The following AGPAT4 variants were observed in gnomAD, a reference collection of about 807,000 sequenced individuals.
AGPAT4 encodes the protein 1-acylglycerol-3-phosphate O-acyltransferase 4.
In AGPAT4, 15 loss-of-function variants were observed where a neutral mutation model predicts 48.0. The ratio of observed to expected loss-of-function variants is 0.31; its 90% CI spans 0.21 to 0.48. AGPAT4 has a LOEUF of 0.48. Ranked by LOEUF, AGPAT4 falls within the 20% of genes least tolerant of loss-of-function variation. AGPAT4 has a pLI of 0.99. For missense variants in AGPAT4, 314 were observed against 482.5 expected, an observed-to-expected ratio of 0.65 and a Z score of 3.27; for synonymous variants, 178 against 198.7, an observed-to-expected ratio of 0.90 and a Z score of 0.88.
chr6:161,217,772 G>A lies in AGPAT4; in HGVS notation c.178+14264C>T, dbSNP rs868155932. ...GGAATTGGATCAGGGAGTCCAGCCA[G>A]AAACCTCCTCCCCTGACCCCGCCTG... On this transcript the variant is annotated intron_variant, in intron 2 of 8. Coordinates refer to ENST00000320285, the MANE Select transcript of AGPAT4 (RefSeq NM_020133.3). This position sits in a 1 kb window ranked among gnomAD's most constrained non-coding sequence, Gnocchi z 4.9. Among the ~76,000 whole-genome samples the A allele has an allele frequency of 9.2e-5, 14 of 152,234 alleles. No individual in the cohort carries two copies. The highest frequency in any genetic ancestry group is 2.0e-4 in the Admixed American group (3 of 15,286).
rs10550830 is a variant in AGPAT4, at chr6:161,246,431, CAG to C, written c.-89-14131_-89-14130del. ...AGGGGATTCTTTTTTTTTTTTGAGA[CAG>C]AGTTTCACTCTTGTTGCCCAGGCTG... On this transcript the variant is annotated intron_variant, in intron 1 of 8. Transcript: ENST00000320285. This position sits in a 1 kb window ranked among gnomAD's most constrained non-coding sequence, Gnocchi z 5.5. Among the ~76,000 whole-genome samples, 18,812 of 149,548 alleles carry C rather than the reference CAG, an allele frequency of 0.13. 1,603 individuals are homozygous for C. The highest frequency in any genetic ancestry group is 0.33 in the East Asian group (1,695 of 5,066).
At position 161,202,454 on chromosome 6, in the gene AGPAT4, T is replaced by C. The variant is rs982390957; in HGVS notation, c.178+29582A>G. 2.0e-5 allele frequency among the ~76,000 whole-genome samples: 3 copies of C among 152,124 alleles called. No individual in the cohort carries two copies. In the South Asian group the frequency reaches 6.2e-4, roughly 32 times the overall value. On this transcript the variant is annotated intron_variant, in intron 2 of 8. Transcript: ENST00000320285. This position sits in a 1 kb window ranked among gnomAD's most constrained non-coding sequence, Gnocchi z 5.4. ...ACCAGGCAGAAGCTATGGCCTCACCTTGAAAGTTACAAAGCACCATTTATG... is the reference window on the plus strand; with the variant it reads ...ACCAGGCAGAAGCTATGGCCTCACCCTGAAAGTTACAAAGCACCATTTATG...
intron 8 of AGPAT4, 67 bp from the exon 9 acceptor site, chr6:161,136,701 G>C: frequency 7.0e-7 from 1 of 1,435,208 alleles, no homozygotes; most frequent in Non-Finnish European, 9.8e-7. Flanking sequence ...TTCCCACAGA[G>C]CAAGTGAGAA....
rs183109405 is a variant in AGPAT4 at position 161,178,297 on chromosome 6, C to T, written c.179-11880G>A. ...TGGGCTCCACCCAATTCAAGCTTCCCAGCCACTTTGTTTACCTACTCAAGC... is the reference window on the plus strand; with the variant it reads ...TGGGCTCCACCCAATTCAAGCTTCCTAGCCACTTTGTTTACCTACTCAAGC... On this transcript the variant is annotated intron_variant, in intron 2 of 8. Coordinates refer to ENST00000320285, the MANE Select transcript of AGPAT4 (RefSeq NM_020133.3). The surrounding 1 kb of genome is among the most constrained non-coding windows in gnomAD (Gnocchi z 5.1). Among the ~76,000 whole-genome samples, 2,966 of 152,320 alleles carry T rather than the reference C, an allele frequency of 0.019. 101 individuals are homozygous for T. The highest frequency in any genetic ancestry group is 0.067 in the African/African-American group (2,797 of 41,568).
In AGPAT4 at chr6:161,184,472, C is replaced by G. The variant is rs1780708105; in HGVS notation, c.179-18055G>C. 6.6e-6 allele frequency among the ~76,000 whole-genome samples: 1 copy of G among 151,880 alleles called. No individual in the cohort carries two copies. The stretch of plus-strand genomic sequence containing the variant: ...ATAGAGGGGCAGGTGATGGAGGAGT[C>G]TGGCATTTGGGTTTGAACACATCAG... On this transcript the variant is annotated intron_variant, in intron 2 of 8. Transcript: ENST00000320285. The surrounding 1 kb of genome is among the most constrained non-coding windows in gnomAD (Gnocchi z 4.8).
At position 161,134,096 on chromosome 6, in the gene AGPAT4, T is replaced by C. The variant is rs1778987684; in HGVS notation, c.*2444A>G. The C allele has an allele frequency of 6.6e-6, 1 of 152,296 alleles. No homozygotes were observed. The highest frequency in any genetic ancestry group is 1.5e-5 in the Non-Finnish European group (1 of 68,064). The allele number at this position is 152,296 out of a possible 1,614,324, so 9.4% of individuals were successfully genotyped here. The stretch of plus-strand genomic sequence containing the variant: ...TTCCCAGGCTGCATAACAAAATTGT[T>C]CTTCGTGGACAGGTCAAATGACTGA... On this transcript the variant is annotated 3_prime_UTR_variant, in exon 9 of 9. Transcript: ENST00000320285.
rs980894619 is a variant in AGPAT4, at chr6:161,234,922, C to T, written c.-89-2620G>A. ...CAAGGTAAATTGAAATTTTACCGTG[C>T]GTAAAACCCTCACTAGCAATGCATG... On this transcript the variant is annotated intron_variant, in intron 1 of 8. Transcript: ENST00000320285. The surrounding 1 kb of genome is among the most constrained non-coding windows in gnomAD (Gnocchi z 4.4). 6.6e-6 allele frequency among the ~76,000 whole-genome samples: 1 copy of T among 151,918 alleles called. No homozygotes were observed. The highest frequency in any genetic ancestry group is 1.5e-5 in the Non-Finnish European group (1 of 67,998).
Position 161,266,544 on chromosome 6 carries a change from C to T in AGPAT4, c.-90+7394G>A, listed in dbSNP as rs934741607. Reference sequence around the variant, plus strand: ...GGGTGATGGGAGAGCGTCAGGAAAGCAGAGGCTGGAGGCAGATGCTAGAAA... The same window carrying T: ...GGGTGATGGGAGAGCGTCAGGAAAGTAGAGGCTGGAGGCAGATGCTAGAAA... On this transcript the variant is annotated intron_variant, in intron 1 of 8. Coordinates refer to ENST00000320285, the MANE Select transcript of AGPAT4 (RefSeq NM_020133.3). The surrounding 1 kb of genome is among the most constrained non-coding windows in gnomAD (Gnocchi z 6.2). Among the ~76,000 whole-genome samples, 6 of 152,106 alleles carry T rather than the reference C, an allele frequency of 3.9e-5. No homozygotes were observed. Among genetic ancestry groups the T allele is most frequent in the Non-Finnish European group, 7.4e-5 (5 of 68,022 alleles).
In AGPAT4 at chr6:161,223,405, A is replaced by G. The variant is rs1781882386; in HGVS notation, c.178+8631T>C. On this transcript the variant is annotated intron_variant, in intron 2 of 8. Transcript: ENST00000320285. This position sits in a 1 kb window ranked among gnomAD's most constrained non-coding sequence, Gnocchi z 6.3. The stretch of plus-strand genomic sequence containing the variant: ...ATTTGCTTATTTCAAAGTGTGGTGG[A>G]AAAGGGGATTTTGGAATCTCAGCTC... Among the ~76,000 whole-genome samples, 3 of 152,184 alleles carry G rather than the reference A, an allele frequency of 2.0e-5. No individual in the cohort carries two copies. The highest frequency in any genetic ancestry group is 2.0e-4 in the Admixed American group (3 of 15,270).
Position 161,255,043 on chromosome 6 carries a change from T to C in AGPAT4, c.-90+18895A>G, listed in dbSNP as rs1310219980. 1.3e-5 allele frequency among the ~76,000 whole-genome samples: 2 copies of C among 152,188 alleles called. No individual in the cohort carries two copies. The highest frequency in any genetic ancestry group is 4.8e-5 in the African/African-American group (2 of 41,442). On this transcript the variant is annotated intron_variant, in intron 1 of 8. Coordinates refer to ENST00000320285, the MANE Select transcript of AGPAT4 (RefSeq NM_020133.3). The surrounding 1 kb of genome is among the most constrained non-coding windows in gnomAD (Gnocchi z 4.7). ...GAGCCAGATACGGTTACACAGCCCTTCTGAAGCAAAGATACACTAAGTCTA... is the reference window on the plus strand; with the variant it reads ...GAGCCAGATACGGTTACACAGCCCTCCTGAAGCAAAGATACACTAAGTCTA...
At position 161,185,647 on chromosome 6, in the gene AGPAT4, CAT is replaced by C. The variant is rs528092361; in HGVS notation, c.179-19232_179-19231del. On this transcript the variant is annotated intron_variant, in intron 2 of 8. Transcript: ENST00000320285. Reference sequence around the variant, plus strand: ...CCTTATGCTATTCTCTCTACTCTTACATAGATTTTAATTAAAAAGTTCAAGAA... The same window carrying C: ...CCTTATGCTATTCTCTCTACTCTTACAGATTTTAATTAAAAAGTTCAAGAA... 2.0e-3 allele frequency among the ~76,000 whole-genome samples: 312 copies of C among 152,246 alleles called. 2 individuals are homozygous for C. The highest frequency in any genetic ancestry group is 3.4e-3 in the Middle Eastern group (1 of 294).
chr6:161,134,047 G>C lies in AGPAT4; in HGVS notation c.*2493C>G, dbSNP rs1421722678. The C allele has an allele frequency of 1.3e-5, 2 of 152,232 alleles. No individual in the cohort carries two copies. Among genetic ancestry groups the C allele is most frequent in the Non-Finnish European group, 2.9e-5 (2 of 68,104 alleles). The allele number at this position is 152,232 out of a possible 1,614,324, so 9.4% of individuals were successfully genotyped here. A position where few individuals can be genotyped will look rare whatever the true frequency, so the allele number is the denominator to read the frequency against. ...ACCCGTGGTTGTCTGTGTCATTAAG[G>C]GCGCAGGGTGTAAGGAAACCAGGTT... On this transcript the variant is annotated 3_prime_UTR_variant, in exon 9 of 9. Coordinates refer to ENST00000320285, the MANE Select transcript of AGPAT4 (RefSeq NM_020133.3).
chr6:161,191,300 C>T (rs1044764324), intron 2 of AGPAT4, among the ~76,000 whole-genome samples: 6 of 152,194 alleles, frequency 3.9e-5, no homozygotes, highest in Non-Finnish European at 7.3e-5. Flanking sequence ...ACATCCCACA[C>T]TCTAACCCAC....
chr6:161,154,333 G>A lies in AGPAT4; in HGVS notation c.349-23C>T. ...GCCCTGAAACAGAAGAAGGAGCCCA[G>A]GTGCCCATGAAGGAGACGTCAGAGC... On this transcript the variant is annotated intron_variant, in intron 3 of 8. Coordinates refer to ENST00000320285, the MANE Select transcript of AGPAT4 (RefSeq NM_020133.3). The surrounding 1 kb of genome is among the most constrained non-coding windows in gnomAD (Gnocchi z 7.8). The A allele has an allele frequency of 6.2e-7, 1 of 1,613,692 alleles. No individual in the cohort carries two copies. The highest frequency in any genetic ancestry group is 8.5e-7 in the Non-Finnish European group (1 of 1,179,852).
intron 2 of AGPAT4, among the ~76,000 whole-genome samples, chr6:161,174,985 C>A (rs1015829262): frequency 3.3e-5 from 5 of 152,012 alleles, no homozygotes; most frequent in Non-Finnish European, 7.4e-5. Flanking sequence ...GCCTTGTATC[C>A]CAGGGATGAA....
At position 161,234,458 on chromosome 6, in the gene AGPAT4, T is replaced by A. The variant is rs995160763; in HGVS notation, c.-89-2156A>T. On this transcript the variant is annotated intron_variant, in intron 1 of 8. Transcript: ENST00000320285. The surrounding 1 kb of genome is among the most constrained non-coding windows in gnomAD (Gnocchi z 4.4). ...TTCGCAGACGGCATTTCCACAGATA[T>A]TTCCAGGCTGGAAAACTCCTTACTG... 1.3e-5 allele frequency among the ~76,000 whole-genome samples: 2 copies of A among 152,108 alleles called. No individual in the cohort carries two copies. The highest frequency in any genetic ancestry group is 2.9e-5 in the Non-Finnish European group (2 of 68,012).
intron 1 of AGPAT4, among the ~76,000 whole-genome samples, chr6:161,265,484 G>A (rs1342329430): frequency 6.6e-6 from 1 of 151,830 alleles, no homozygotes; most frequent in African/African-American, 2.4e-5. Context: ...CCGCTGGACT[G>A]GGTGCTGATT....
Position 161,147,272 on chromosome 6 carries a change from C to A in AGPAT4, c.768-673G>T, listed in dbSNP as rs1779458591. ...ACTTGGGTGGCTCTGGGGACTGGTG[C>A]TGGCAAGGGCTTGCCACTCGATCAT... On this transcript the variant is annotated intron_variant, in intron 6 of 8. Coordinates refer to ENST00000320285, the MANE Select transcript of AGPAT4 (RefSeq NM_020133.3). The surrounding 1 kb of genome is among the most constrained non-coding windows in gnomAD (Gnocchi z 4.8). Among the ~76,000 whole-genome samples, 1 of 152,122 alleles carries A rather than the reference C, an allele frequency of 6.6e-6. No homozygotes were observed. The highest frequency in any genetic ancestry group is 1.5e-5 in the Non-Finnish European group (1 of 68,016).
Position 161,148,238 on chromosome 6 carries a change from C to T in AGPAT4, c.767+949G>A, listed in dbSNP as rs1227043170. Among the ~76,000 whole-genome samples, 3 of 152,186 alleles carry T rather than the reference C, an allele frequency of 2.0e-5. No individual in the cohort carries two copies. The East Asian group carries it at 5.8e-4, about 29-fold the overall frequency. On this transcript the variant is annotated intron_variant, in intron 6 of 8. Transcript: ENST00000320285. The surrounding 1 kb of genome is among the most constrained non-coding windows in gnomAD (Gnocchi z 5.5). The stretch of plus-strand genomic sequence containing the variant: ...GCCTTCATATGCCACAGAACTGAGT[C>T]ACAGGGCAGACTGTTGCCTGCACCA...
Sources: allele counts gnomAD v4.1 joint callset (sites outside exome capture counted in the v4.1 genomes callset), GRCh38; gene constraint gnomAD v4.1.1; non-coding constraint Gnocchi (gnomAD v3.1); transcripts MANE v1.5; gene names NCBI Gene and HGNC (gene_info 2026-07-23, HGNC 2026-07-21).